Variants in RGS10 observed in about 807,000 individuals in gnomAD.
RGS10 encodes regulator of G protein signaling 10, also known as regulator of G-protein signalling 10.
RGS10 carries 11 observed loss-of-function variants against 23.5 expected under a neutral mutation model. The observed-to-expected ratio is 0.47, with a 90% CI of 0.29 to 0.77. RGS10 has a LOEUF of 0.77. RGS10 is among the 30% of genes least tolerant of loss of function. The pLI is 0.08. For missense variants in RGS10, 180 were observed against 226.3 expected (o/e 0.80, Z 1.31); for synonymous variants, 77 against 83.2 (o/e 0.92, Z 0.41).
intron 2 of RGS10, among the ~76,000 whole-genome samples, chr10:119,526,876 G>A (rs1844281657): frequency 6.6e-6 from 1 of 152,026 alleles, no homozygotes; most frequent in African/African-American, 2.4e-5. Flanking sequence ...CCATCCATCA[G>A]CCCTGCTCTC....
Position 119,538,462 on chromosome 10 carries a change from AG to A in RGS10, c.49+4127del, listed in dbSNP as rs1238426426. On this transcript the variant is annotated intron_variant, in intron 1 of 4. Coordinates refer to ENST00000369103, the MANE Select transcript of RGS10 (RefSeq NM_001005339.2). The surrounding 1 kb of genome is among the most constrained non-coding windows in gnomAD (Gnocchi z 4.5). ...CCTAGAAGGGTGGGTCTGTTGGAGC[AG>A]GGGGACCCAGGCTTTGGGACAGGAC... 6.6e-6 allele frequency among the ~76,000 whole-genome samples: 1 copy of A among 152,166 alleles called. No homozygotes were observed. Among genetic ancestry groups the A allele is most frequent in the Non-Finnish European group, 1.5e-5 (1 of 68,022 alleles).
At chr10:119,540,237 T>C (rs570766465) in intron 1 of RGS10, among the ~76,000 whole-genome samples, 6 of 152,262 alleles carry the variant, frequency 3.9e-5, no homozygotes, top group African/African-American at 1.4e-4. Context: ...CTTCCTTTTT[T>C]CTTCCTTCCT....
chr10:119,542,701 AGGCGAGGAGGAGGAGGAG>A lies in RGS10; in HGVS notation c.-81_-64del, dbSNP rs1214307527. The A allele has an allele frequency of 2.2e-4, 287 of 1,307,218 alleles. No homozygotes were observed. Among genetic ancestry groups the A allele is most frequent in the Non-Finnish European group, 2.6e-4 (268 of 1,019,346 alleles). The allele number at this position is 1,307,218 out of a possible 1,614,324, so 81.0% of individuals were successfully genotyped here. On this transcript the variant is annotated 5_prime_UTR_variant, in exon 1 of 5. Transcript: ENST00000369103. ...GCGGCGCGGCGGCTGAGCCGGAGGA[AGGCGAGGAGGAGGAGGAG>A]GGCGAGGAGGAGGAGGAGGAGGGCA...
intron 1 of RGS10, among the ~76,000 whole-genome samples, chr10:119,531,029 T>C (rs971154887): frequency 2.6e-5 from 4 of 152,254 alleles, no homozygotes; most frequent in Non-Finnish European, 4.4e-5. Flanking sequence ...ATTAGTTCCC[T>C]GTTCTCTTTG....
chr10:119,512,875 G>C (rs984642074), intron 4 of RGS10, among the ~76,000 whole-genome samples: 1 of 152,176 alleles, frequency 6.6e-6, no homozygotes, highest in African/African-American at 2.4e-5. Context: ...TAACAACAGA[G>C]TATAACAGTA....
intron 4 of RGS10, among the ~76,000 whole-genome samples, chr10:119,500,733 A>G (rs1843942967): frequency 6.6e-6 from 1 of 150,872 alleles, no homozygotes; most frequent in South Asian, 2.1e-4. Context: ...GAGATCTCAA[A>G]CAAACCTATT....
intron 1 of RGS10, among the ~76,000 whole-genome samples, chr10:119,535,639 A>T (rs540748653): frequency 6.6e-6 from 1 of 152,296 alleles, no homozygotes; most frequent in Non-Finnish European, 1.5e-5. Context: ...CTGCATAGAC[A>T]ATTTCTCCAA....
intron 1 of RGS10, among the ~76,000 whole-genome samples, chr10:119,537,538 A>G (rs953634898): frequency 1.3e-5 from 2 of 152,218 alleles, no homozygotes; most frequent in Non-Finnish European, 2.9e-5. Flanking sequence ...ATTTGCTACA[A>G]AGAAGCAAGC....
chr10:119,533,893 T>C lies in RGS10; in HGVS notation c.50-6469A>G, dbSNP rs554853865. ...ATTTTAGATCTTCAAATTTTTTGCA[T>C]GCAAAATACGTATTTTTCAGCAAAT... is the stretch of plus-strand genomic sequence containing the variant. On this transcript the variant is annotated intron_variant, in intron 1 of 4. Transcript: ENST00000369103. 1.1e-4 allele frequency among the ~76,000 whole-genome samples: 16 copies of C among 152,306 alleles called. No homozygotes were observed. In the South Asian group the frequency reaches 2.1e-3, roughly 20 times the overall value.
chr10:119,531,444 T>C (rs1844328643), intron 1 of RGS10, among the ~76,000 whole-genome samples: 1 of 152,172 alleles, frequency 6.6e-6, no homozygotes, highest in African/African-American at 2.4e-5. Context: ...ATACACACAG[T>C]AGATTACCAT....
rs1037277712 is a variant in RGS10 at position 119,542,578 on chromosome 10, G to A, written c.49+12C>T. On this transcript the variant is annotated intron_variant, in intron 1 of 4. Transcript: ENST00000369103. Reference sequence around the variant, plus strand: ...CCCGACCCCGAGCCCGCGGGCCCCCGAAGCCGCTTACCTGACGGCGGCCGC... The same window carrying A: ...CCCGACCCCGAGCCCGCGGGCCCCCAAAGCCGCTTACCTGACGGCGGCCGC... 1.4e-6 allele frequency: 2 copies of A among 1,414,506 alleles called. No individual in the cohort carries two copies. The highest frequency in any genetic ancestry group is 5.5e-5 in the Admixed American group (2 of 36,624). 87.6% of individuals were successfully genotyped at this position (1,414,506 alleles called of 1,614,324 possible).
chr10:119,533,831 T>C (rs1844356643), intron 1 of RGS10, among the ~76,000 whole-genome samples: 1 of 152,228 alleles, frequency 6.6e-6, no homozygotes, highest in Non-Finnish European at 1.5e-5. Flanking sequence ...TTTTTGGTGT[T>C]TCATTTTGTT....
Position 119,527,180 on chromosome 10 carries a change from A to G in RGS10, c.168+126T>C, listed in dbSNP as rs2301181. The G allele has an allele frequency of 0.074, 48,628 of 653,624 alleles. 2,645 individuals carry two copies. Among genetic ancestry groups the G allele is most frequent in the East Asian group, 0.23 (8,224 of 36,216 alleles). 40.5% of individuals were successfully genotyped at this position (653,624 alleles called of 1,614,324 possible). On this transcript the variant is annotated intron_variant, in intron 2 of 4. Coordinates refer to ENST00000369103, the MANE Select transcript of RGS10 (RefSeq NM_001005339.2). This position sits in a 1 kb window ranked among gnomAD's most constrained non-coding sequence, Gnocchi z 4.2. ...CTCAAGCTGGGATAGACAGTACTGA[A>G]CTCTCAAGCTGGCATAGAGAGTGCT...
intron 3 of RGS10, among the ~76,000 whole-genome samples, chr10:119,521,750 A>G (rs1040146613): frequency 3.3e-5 from 5 of 151,774 alleles, no homozygotes; most frequent in Non-Finnish European, 5.9e-5. Context: ...AACAGTTTAC[A>G]TATAAATTAC....
At chr10:119,515,261 G>A (rs1844128317) in intron 4 of RGS10, 3 of 494,808 alleles carry the variant, frequency 6.1e-6, no homozygotes, top group South Asian at 4.5e-5. Context: ...TGAGAAGGCA[G>A]ATAAACTGGT....
intron 3 of RGS10, among the ~76,000 whole-genome samples, chr10:119,518,589 AGCGCTGCTTCCCACACTG>A (rs998836365): frequency 2.0e-5 from 3 of 152,124 alleles, no homozygotes; most frequent in African/African-American, 7.2e-5. Flanking sequence ...AGCTCAGAAG[AGCGCTGCTTCCCACACTG>A]GCCCCGCCCT....
intron 3 of RGS10, among the ~76,000 whole-genome samples, chr10:119,515,882 C>T (rs529480035): frequency 1.3e-5 from 2 of 152,282 alleles, no homozygotes; most frequent in South Asian, 4.1e-4. Context: ...TCTCCTGGAA[C>T]AAAATTGCTG....
chr10:119,512,704 C>T (rs547270853), intron 4 of RGS10, among the ~76,000 whole-genome samples: 4 of 152,200 alleles, frequency 2.6e-5, no homozygotes, highest in South Asian at 2.1e-4. Flanking sequence ...CCCACCACCA[C>T]GCCTGGCTAA....
rs1448870007 is a variant in RGS10, at chr10:119,538,283, C to T, written c.49+4307G>A. Among the ~76,000 whole-genome samples, 1 of 152,172 alleles carries T rather than the reference C, an allele frequency of 6.6e-6. No individual in the cohort carries two copies. The highest frequency in any genetic ancestry group is 1.5e-5 in the Non-Finnish European group (1 of 68,026). On this transcript the variant is annotated intron_variant, in intron 1 of 4. Transcript: ENST00000369103. The surrounding 1 kb of genome is among the most constrained non-coding windows in gnomAD (Gnocchi z 4.5). The stretch of plus-strand genomic sequence containing the variant: ...GTTTAGGTGGCCGTGGACTTGGGTC[C>T]AAGACTTGAGTTCTCTGCCCCTTCA...
Sources: gnomAD v4.1 joint callset for allele counts (sites outside exome capture counted in the v4.1 genomes callset) on GRCh38, gnomAD v4.1.1 for gene constraint, Gnocchi (gnomAD v3.1) non-coding constraint, MANE v1.5 for transcripts, NCBI Gene and HGNC (gene_info 2026-07-23, HGNC 2026-07-21) for gene names.